Variants in DNAH12 observed in about 807,000 individuals in gnomAD.
The protein encoded by DNAH12 is axonemal beta dynein heavy chain 12.
A neutral mutation model predicts 371.5 loss-of-function variants in DNAH12; 285 were observed. That is an observed-to-expected ratio of 0.77 (90% CI 0.70 to 0.85). The LOEUF is 0.85. Among genes scored for constraint, DNAH12 ranks in the 40% least tolerant of loss-of-function variants. DNAH12 has a pLI of 0.00. For synonymous variants in DNAH12, 1,200 were observed against 1,213.0 expected, an observed-to-expected ratio of 0.99 and a Z score of 0.22; for missense variants, 3,611 against 3,689.4, an observed-to-expected ratio of 0.98 and a Z score of 0.55.
intron 60 of DNAH12, among the ~76,000 whole-genome samples, chr3:57,338,505 G>A (rs1275858790): frequency 6.6e-6 from 1 of 150,578 alleles, no homozygotes; most frequent in Non-Finnish European, 1.5e-5. Flanking sequence ...GAGTGCCTCT[G>A]CCCGGCCGCC....
chr3:57,354,500 A>T (rs1454922142), intron 59 of DNAH12, among the ~76,000 whole-genome samples: 2 of 151,602 alleles, frequency 1.3e-5, no homozygotes, highest in Non-Finnish European at 2.9e-5. Flanking sequence ...GTAAAAGTTT[A>T]AAAAAAGAGT....
At chr3:57,320,514 A>T (rs1430136499) in intron 65 of DNAH12, among the ~76,000 whole-genome samples, 1 of 152,228 alleles carries the variant, frequency 6.6e-6, no homozygotes, top group Non-Finnish European at 1.5e-5. Flanking sequence ...CCAAATGATG[A>T]TAGTTCAAAT....
chr3:57,334,012 CCAAA>C (rs35518265), intron 62 of DNAH12, among the ~76,000 whole-genome samples: 48,433 of 151,432 alleles, frequency 0.32, 8,403 homozygotes, highest in African/African-American at 0.45. Flanking sequence ...ACAAAAAGAA[CCAAA>C]CAAATTTTTT....
rs532200404 is a variant in DNAH12 at position 57,519,957 on chromosome 3, C to T, written c.279+3626G>A. On this transcript the variant is annotated intron_variant, in intron 4 of 73. Transcript: ENST00000495027. ...CGCCTCCCGACTTGGAGCCTGCGCT[C>T]CTGGAGTGAGAGGTCAGGGCGTAGG... is the stretch of plus-strand genomic sequence containing the variant. 3.2e-4 allele frequency: 276 copies of T among 864,686 alleles called. 2 individuals carry two copies. The highest frequency in any genetic ancestry group is 5.0e-4 in the Non-Finnish European group (253 of 509,650). The allele number at this position is 864,686 out of a possible 1,614,324, so 53.6% of individuals were successfully genotyped here. A position where few individuals can be genotyped will look rare whatever the true frequency, so the allele number is the denominator to read the frequency against.
chr3:57,356,745 GTATTTT>G (rs1470606428), intron 59 of DNAH12, among the ~76,000 whole-genome samples: 1 of 151,294 alleles, frequency 6.6e-6, no homozygotes, highest in Non-Finnish European at 1.5e-5. Flanking sequence ...TTTTTATTTT[GTATTTT>G]TATTTTTTAA....
rs2061849162 is a variant in DNAH12, at chr3:57,323,213, G to A, written c.10177C>T (p.Gln3393Ter). 6.4e-7 allele frequency: 1 copy of A among 1,552,128 alleles called. No homozygotes were observed. The highest frequency in any genetic ancestry group is 8.7e-7 in the Non-Finnish European group (1 of 1,147,094). ...NDKSMSGNKFQAISLGQGQGP... is the reference protein window; with the variant it reads ...NDKSMSGNKF ...TGTCCCTGTCCCAGTGAAATAGCTT[G>A]AAACTTATTTCCAGACATAGATTTA... Residue 3393 changes from glutamine (Q) to a stop codon, truncating the protein, a stop_gained, in exon 64 of 74, where the codon CAA becomes TAA. Transcript: ENST00000495027. LOFTEE classifies it high-confidence loss of function.
chr3:57,372,112 AC>A (rs1180397153), intron 55 of DNAH12, among the ~76,000 whole-genome samples: 45 of 151,744 alleles, frequency 3.0e-4, no homozygotes, highest in Non-Finnish European at 5.0e-4. Context: ...ATAATTCAAA[AC>A]TGCTAGAAAA....
At chr3:57,351,777 T>TA (rs2062681207) in intron 60 of DNAH12, among the ~76,000 whole-genome samples, 1 of 152,172 alleles carries the variant, frequency 6.6e-6, no homozygotes, top group African/African-American at 2.4e-5. Flanking sequence ...AAGGAGGTGG[T>TA]AACTGAAAGG....
intron 37 of DNAH12, among the ~76,000 whole-genome samples, chr3:57,418,447 G>A (rs545796613): frequency 2.1e-4 from 32 of 150,802 alleles, no homozygotes; most frequent in African/African-American, 7.1e-4. Flanking sequence ...GGCTGAGGTG[G>A]GAGGATCGCT....
In DNAH12 at chr3:57,332,183, C is replaced by T. The variant is rs2062114703; in HGVS notation, c.9978+2282G>A. Among the ~76,000 whole-genome samples, 2 of 152,170 alleles carry T rather than the reference C, an allele frequency of 1.3e-5. 1 individual carries two copies. Among genetic ancestry groups the T allele is most frequent in the South Asian group, 4.1e-4 (2 of 4,826 alleles). On this transcript the variant is annotated intron_variant, in intron 62 of 73. Coordinates refer to ENST00000495027, the MANE Select transcript of DNAH12 (RefSeq NM_001366028.2). ...TCAAAGTTTAAACTAGATGTATGAACATGGTTTCTTGTTTTCTTTCTATTA... is the reference window on the plus strand; with the variant it reads ...TCAAAGTTTAAACTAGATGTATGAATATGGTTTCTTGTTTTCTTTCTATTA...
chr3:57,386,835 T>C (rs1257966546), intron 46 of DNAH12, among the ~76,000 whole-genome samples: 2 of 152,196 alleles, frequency 1.3e-5, no homozygotes, highest in African/African-American at 2.4e-5. Flanking sequence ...TGAGATCCTA[T>C]CTTTTAAAAA....
chr3:57,437,850 T>C (rs1301683499), intron 29 of DNAH12, among the ~76,000 whole-genome samples: 5 of 152,214 alleles, frequency 3.3e-5, no homozygotes, highest in Non-Finnish European at 5.9e-5. Flanking sequence ...GCCAATCATA[T>C]GGCAGGACAA....
At chr3:57,537,779 G>A (rs2069111369) in intron 2 of DNAH12, among the ~76,000 whole-genome samples, 2 of 151,536 alleles carry the variant, frequency 1.3e-5, no homozygotes, top group Admixed American at 1.3e-4. Flanking sequence ...CCGCCTCCAG[G>A]GTTCAAGTGA....
chr3:57,420,770 G>A (rs1430068226), intron 36 of DNAH12, among the ~76,000 whole-genome samples: 1 of 151,920 alleles, frequency 6.6e-6, no homozygotes, highest in Non-Finnish European at 1.5e-5. Context: ...TCAGCCAGGC[G>A]TGGTGGCGGG....
chr3:57,349,256 G>A (rs1481709848), intron 60 of DNAH12, among the ~76,000 whole-genome samples: 4 of 152,218 alleles, frequency 2.6e-5, no homozygotes, highest in East Asian at 3.9e-4. Flanking sequence ...TCAGGGAATC[G>A]CAAATCAAAA....
chr3:57,529,118 T>C (rs2153399721), intron 2 of DNAH12, among the ~76,000 whole-genome samples: 1 of 152,154 alleles, frequency 6.6e-6, no homozygotes, highest in East Asian at 1.9e-4. Flanking sequence ...ACCTTTTTAA[T>C]GTGTCGTTGA....
intron 62 of DNAH12, among the ~76,000 whole-genome samples, chr3:57,331,649 G>C (rs1396621329): frequency 6.6e-6 from 1 of 152,140 alleles, no homozygotes; most frequent in African/African-American, 2.4e-5. Flanking sequence ...AAAAAAGAAG[G>C]AAGAAACGAA....
At chr3:57,430,665 A>G (rs1220322722) in intron 32 of DNAH12, among the ~76,000 whole-genome samples, 1 of 152,028 alleles carries the variant, frequency 6.6e-6, no homozygotes, top group East Asian at 1.9e-4. Flanking sequence ...TTTTAATAGT[A>G]TTATTATTAT....
At chr3:57,308,923 T>C (rs149854466) in intron 69 of DNAH12, among the ~76,000 whole-genome samples, 2,590 of 151,302 alleles carry the variant, frequency 0.017, 69 homozygotes, top group African/African-American at 0.06. Flanking sequence ...CTAACAACCC[T>C]ACAATATCAC....
Sources: allele counts gnomAD v4.1 joint callset (sites outside exome capture counted in the v4.1 genomes callset), GRCh38; gene constraint gnomAD v4.1.1; transcripts MANE v1.5; gene names NCBI Gene and HGNC (gene_info 2026-07-23, HGNC 2026-07-21).